The following HHAT variants were observed in gnomAD, a reference collection of about 807,000 sequenced individuals.
HHAT encodes hedgehog acyltransferase.
HHAT carries 47 observed loss-of-function variants against 70.8 expected under a neutral mutation model. That is an observed-to-expected ratio of 0.66 (90% CI 0.53 to 0.85). The LOEUF (loss-of-function observed/expected upper bound fraction) is 0.85. Among genes scored for constraint, HHAT ranks in the 40% least tolerant of loss-of-function variants. The pLI, the probability that HHAT is intolerant of heterozygous loss-of-function variation, is 0.00. For missense variants in HHAT, 609 were observed against 604.8 expected (o/e 1.01, Z -0.07); for synonymous variants, 228 against 247.6 (o/e 0.92, Z 0.74).
chr1:210,516,754 A>G (rs961655679), intron 9 of HHAT, among the ~76,000 whole-genome samples: 3 of 151,978 alleles, frequency 2.0e-5, no homozygotes, highest in Non-Finnish European at 4.4e-5. Flanking sequence ...AAAAAGCTGC[A>G]GCATGCCCTG....
chr1:210,571,026 G>C (rs1656156076), intron 9 of HHAT, among the ~76,000 whole-genome samples: 1 of 152,158 alleles, frequency 6.6e-6, no homozygotes. Context: ...CTTGAAGGAG[G>C]CTCTCCCAAT....
chr1:210,499,396 G>T (rs2094711150), intron 8 of HHAT, among the ~76,000 whole-genome samples: 1 of 152,216 alleles, frequency 6.6e-6, no homozygotes, highest in Non-Finnish European at 1.5e-5. Context: ...CAACACTTTG[G>T]GAGGCCAAAG....
At chr1:210,645,008 C>A (rs906987739) in intron 11 of HHAT, among the ~76,000 whole-genome samples, 3 of 152,082 alleles carry the variant, frequency 2.0e-5, no homozygotes, top group African/African-American at 7.2e-5. Context: ...ATTGCACTTG[C>A]CTGGGCCTTT....
At chr1:210,376,322 C>T (rs2090212283) in intron 3 of HHAT, among the ~76,000 whole-genome samples, 1 of 152,092 alleles carries the variant, frequency 6.6e-6, no homozygotes, top group South Asian at 2.1e-4. Flanking sequence ...GCCCTGAGCT[C>T]TCTAGCCAGT....
chr1:210,417,970 A>G (rs140555245), intron 6 of HHAT, among the ~76,000 whole-genome samples, 184 bp from the exon 7 acceptor site: 2 of 152,252 alleles, frequency 1.3e-5, no homozygotes, highest in African/African-American at 2.4e-5. Flanking sequence ...TTTTGAGACA[A>G]ATGTTCAAGC....
At chr1:210,613,823 G>C (rs1192200400) in intron 10 of HHAT, among the ~76,000 whole-genome samples, 1 of 151,736 alleles carries the variant, frequency 6.6e-6, no homozygotes, top group Non-Finnish European at 1.5e-5. Context: ...TTTGAGACCT[G>C]CCTGGGCAGC....
intron 7 of HHAT, among the ~76,000 whole-genome samples, chr1:210,438,683 G>A (rs746465610): frequency 4.6e-5 from 7 of 151,788 alleles, no homozygotes; most frequent in Non-Finnish European, 1.0e-4. Flanking sequence ...TTGGGTAAAT[G>A]ATCATGGTGG....
intron 9 of HHAT, among the ~76,000 whole-genome samples, chr1:210,562,165 T>C (rs909676652): frequency 5.3e-5 from 8 of 152,072 alleles, no homozygotes; most frequent in African/African-American, 1.9e-4. Context: ...TGTTGAACAC[T>C]TAGGAGATAG....
intron 7 of HHAT, among the ~76,000 whole-genome samples, chr1:210,418,612 G>A (rs966968431): frequency 1.4e-4 from 22 of 152,130 alleles, no homozygotes; most frequent in African/African-American, 4.8e-4. Flanking sequence ...TCTTCACAGC[G>A]TAGCCAATAT....
intron 9 of HHAT, among the ~76,000 whole-genome samples, chr1:210,557,713 C>T (rs535767056): frequency 2.0e-5 from 3 of 152,138 alleles, no homozygotes; most frequent in South Asian, 2.1e-4. Context: ...TTCACTATCA[C>T]GAGAACAGCA....
intron 7 of HHAT, among the ~76,000 whole-genome samples, chr1:210,455,223 C>T (rs910760978): frequency 6.6e-6 from 1 of 152,172 alleles, no homozygotes; most frequent in Non-Finnish European, 1.5e-5. Flanking sequence ...ACGTTACCTG[C>T]CCTTTATAGC....
intron 11 of HHAT, among the ~76,000 whole-genome samples, chr1:210,669,157 G>A (rs1679570967): frequency 6.6e-6 from 1 of 152,134 alleles, no homozygotes; most frequent in Admixed American, 6.5e-5. Flanking sequence ...CATACCCTTT[G>A]ACTTCACATG....
At chr1:210,341,610 T>A (rs2147942131) in intron 1 of HHAT, among the ~76,000 whole-genome samples, 1 of 152,328 alleles carries the variant, frequency 6.6e-6, no homozygotes, top group South Asian at 2.1e-4. Flanking sequence ...GAAAGGGACC[T>A]AAAAACTTAG....
chr1:210,537,216 T>G (rs181497773), intron 9 of HHAT, among the ~76,000 whole-genome samples: 32 of 152,312 alleles, frequency 2.1e-4, no homozygotes, highest in Admixed American at 1.1e-3. Context: ...TTTCTCTTAC[T>G]TTGGCACAGA....
intron 8 of HHAT, among the ~76,000 whole-genome samples, chr1:210,484,949 T>C (rs942250474): frequency 8.5e-5 from 13 of 152,114 alleles, no homozygotes; most frequent in African/African-American, 3.1e-4. Flanking sequence ...CCCTCTGTGG[T>C]CCCTAAAGTA....
At chr1:210,610,707 G>A (rs576996243) in intron 10 of HHAT, among the ~76,000 whole-genome samples, 18 of 152,206 alleles carry the variant, frequency 1.2e-4, no homozygotes, top group African/African-American at 4.3e-4. Flanking sequence ...ATAAGGAAGA[G>A]GTCCAGTTTC....
At chr1:210,376,014 A>ATTTTTT (rs57707354) in intron 3 of HHAT, among the ~76,000 whole-genome samples, 17 of 108,908 alleles carry the variant, frequency 1.6e-4, no homozygotes, top group Non-Finnish European at 1.6e-4. Flanking sequence ...TGCACAGCTA[A>ATTTTTT]TTTTTTTTTT....
chr1:210,604,016 T>G (rs1664828958), intron 10 of HHAT, among the ~76,000 whole-genome samples: 1 of 152,268 alleles, frequency 6.6e-6, no homozygotes, highest in Admixed American at 6.5e-5. Flanking sequence ...AGCAAGGGTA[T>G]AATATAAAAG....
Position 210,388,625 on chromosome 1 carries a change from A to G in HHAT, c.273+1044A>G, listed in dbSNP as rs536950352. ...ATTAGATGTTGTCAGATCTGAGTAT[A>G]TTTTAAAATTTCATTTAACTTTGTG... On this transcript the variant is annotated intron_variant, in intron 4 of 11. Coordinates refer to ENST00000261458, the MANE Select transcript of HHAT (RefSeq NM_018194.6). Among the ~76,000 whole-genome samples, 52 of 152,216 alleles carry G rather than the reference A, an allele frequency of 3.4e-4. 1 individual carries two copies. Among genetic ancestry groups the G allele is most frequent in the Non-Finnish European group, 6.5e-4 (44 of 68,008 alleles).
Sources: allele counts gnomAD v4.1 joint callset (sites outside exome capture counted in the v4.1 genomes callset), GRCh38; gene constraint gnomAD v4.1.1; transcripts MANE v1.5; gene names NCBI Gene and HGNC (gene_info 2026-07-23, HGNC 2026-07-21).